Variants in CSGALNACT1 observed in about 807,000 individuals in gnomAD.
CSGALNACT1 encodes chondroitin sulfate N-acetylgalactosaminyltransferase 1, also known as beta4GalNAcT-1.
In CSGALNACT1, 52 loss-of-function variants were observed where a neutral mutation model predicts 51.0. The ratio of observed to expected loss-of-function variants is 1.02; its 90% CI spans 0.82 to 1.29. The LOEUF is 1.29. Ranked by LOEUF, CSGALNACT1 falls within the 50% of genes most tolerant of loss-of-function variation. The probability of loss-of-function intolerance (pLI) is 0.00; values close to 1 mark genes in which losing one functional copy is unlikely to be tolerated. For missense variants in CSGALNACT1, 935 were observed against 679.2 expected (o/e 1.38, Z -4.19); for synonymous variants, 341 against 254.4 (o/e 1.34, Z -3.24).
intron 3 of CSGALNACT1, among the ~76,000 whole-genome samples, chr8:19,589,978 T>A (rs753491179): frequency 6.6e-6 from 1 of 152,208 alleles, no homozygotes; most frequent in Non-Finnish European, 1.5e-5. Flanking sequence ...GCAGACATGA[T>A]GCAATACTGC....
intron 3 of CSGALNACT1, among the ~76,000 whole-genome samples, chr8:19,555,689 A>C (rs1221117913): frequency 6.6e-6 from 1 of 152,198 alleles, no homozygotes; most frequent in African/African-American, 2.4e-5. Flanking sequence ...TTCACTTAGC[A>C]TGTTACGGGT....
intron 6 of CSGALNACT1, among the ~76,000 whole-genome samples, chr8:19,435,252 T>C (rs1008305561): frequency 6.6e-6 from 1 of 152,186 alleles, no homozygotes; most frequent in Non-Finnish European, 1.5e-5. Context: ...CCCAGGACTT[T>C]GGGAGGCCGA....
intron 1 of CSGALNACT1, among the ~76,000 whole-genome samples, chr8:19,674,588 G>A (rs1249293036): frequency 6.6e-6 from 1 of 152,168 alleles, no homozygotes; most frequent in East Asian, 1.9e-4. Flanking sequence ...TACCACCGCA[G>A]AAGTCACTCC....
chr8:19,436,296 TAGG>T (rs2060364455), intron 6 of CSGALNACT1, among the ~76,000 whole-genome samples: 1 of 152,208 alleles, frequency 6.6e-6, no homozygotes, highest in African/African-American at 2.4e-5. Flanking sequence ...CTATGGGTTT[TAGG>T]AGCGAGCATA....
chr8:19,475,067 G>T (rs886903410), intron 4 of CSGALNACT1, among the ~76,000 whole-genome samples: 9 of 152,078 alleles, frequency 5.9e-5, no homozygotes, highest in Non-Finnish European at 1.0e-4. Context: ...CTCTGCTGGG[G>T]AGATTTTGAG....
chr8:19,503,370 G>A (rs543262301), intron 4 of CSGALNACT1, among the ~76,000 whole-genome samples: 1 of 152,210 alleles, frequency 6.6e-6, no homozygotes, highest in Admixed American at 6.5e-5. Flanking sequence ...TGGTGTCACT[G>A]CTGATTGAGA....
chr8:19,620,606 T>C (rs1317783776), intron 1 of CSGALNACT1, among the ~76,000 whole-genome samples: 2 of 151,986 alleles, frequency 1.3e-5, no homozygotes, highest in African/African-American at 4.8e-5. Flanking sequence ...TAATTTATGT[T>C]TTTGTATTGT....
chr8:19,752,399 C>T (rs1030745255), intron 1 of CSGALNACT1, among the ~76,000 whole-genome samples: 2 of 151,998 alleles, frequency 1.3e-5, no homozygotes, highest in African/African-American at 2.4e-5. Context: ...CTACCACAGA[C>T]GAAGGGGTTC....
At chr8:19,590,718 C>G (rs916295597) in intron 3 of CSGALNACT1, among the ~76,000 whole-genome samples, 5 of 135,334 alleles carry the variant, frequency 3.7e-5, no homozygotes, top group Non-Finnish European at 7.6e-5. Context: ...GGCGCGATCT[C>G]GGCTCACTGC....
intron 1 of CSGALNACT1, among the ~76,000 whole-genome samples, chr8:19,674,289 T>C (rs2060006409): frequency 6.6e-6 from 1 of 151,388 alleles, no homozygotes; most frequent in African/African-American, 2.4e-5. Flanking sequence ...TGTGACTGTG[T>C]CTCAAAAAAA....
At chr8:19,568,933 T>G (rs1271977501) in intron 3 of CSGALNACT1, among the ~76,000 whole-genome samples, 6 of 152,194 alleles carry the variant, frequency 3.9e-5, no homozygotes, top group African/African-American at 1.4e-4. Flanking sequence ...GCTAATTCCT[T>G]GTAGCTAAGA....
intron 1 of CSGALNACT1, among the ~76,000 whole-genome samples, chr8:19,725,858 C>A (rs1291025421): frequency 2.6e-5 from 4 of 152,116 alleles, no homozygotes; most frequent in Non-Finnish European, 5.9e-5. Context: ...CATACCCTAG[C>A]AGAGTGGTGC....
At chr8:19,521,263 C>T (rs1217287935) in intron 3 of CSGALNACT1, among the ~76,000 whole-genome samples, 1 of 152,008 alleles carries the variant, frequency 6.6e-6, no homozygotes, top group African/African-American at 2.4e-5. Flanking sequence ...GCACTGGGGA[C>T]ACTAGATATG....
At chr8:19,666,964 AAAGAAAGAAAG>A (rs2059330774) in intron 1 of CSGALNACT1, among the ~76,000 whole-genome samples, 2 of 10,472 alleles carry the variant, frequency 1.9e-4, no homozygotes, top group Non-Finnish European at 3.4e-4. Context: ...AGAAAGAAAG[AAAGAAAGAAAG>A]AAAGAAAGAA....
chr8:19,683,890 G>A (rs567258814), upstream of CSGALNACT1, among the ~76,000 whole-genome samples: 23 of 152,264 alleles, frequency 1.5e-4, no homozygotes, highest in Middle Eastern at 3.4e-3. Context: ...GTAAGGCCAG[G>A]AGTGGTGGCT....
chr8:19,426,013 C>T (rs773977329), intron 6 of CSGALNACT1, among the ~76,000 whole-genome samples: 2 of 152,154 alleles, frequency 1.3e-5, no homozygotes, highest in Non-Finnish European at 2.9e-5. Context: ...CCTTTGCTTG[C>T]ACAGATCTGT....
intron 1 of CSGALNACT1, among the ~76,000 whole-genome samples, chr8:19,746,390 T>C (rs1363464355): frequency 6.6e-6 from 1 of 152,168 alleles, no homozygotes; most frequent in Non-Finnish European, 1.5e-5. Context: ...TATCTGCCTA[T>C]TGGCCATGGT....
intron 1 of CSGALNACT1, among the ~76,000 whole-genome samples, chr8:19,676,994 A>G (rs1334393137): frequency 6.6e-6 from 1 of 152,222 alleles, no homozygotes; most frequent in Non-Finnish European, 1.5e-5. Flanking sequence ...AGGACTAGAG[A>G]CAAAAGTCAA....
chr8:19,575,299 C>T (rs2043945202), intron 3 of CSGALNACT1, among the ~76,000 whole-genome samples: 1 of 152,198 alleles, frequency 6.6e-6, no homozygotes, highest in Admixed American at 6.5e-5. Context: ...AAGTTAGCAA[C>T]CTTAATTCTC....
Sources: gnomAD v4.1 joint callset for allele counts (sites outside exome capture counted in the v4.1 genomes callset) on GRCh38, gnomAD v4.1.1 for gene constraint, MANE v1.5 for transcripts, NCBI Gene and HGNC (gene_info 2026-07-23, HGNC 2026-07-21) for gene names.